RNF4: variants seen among roughly 807,000 people sequenced by gnomAD.
RNF4 encodes the protein ring finger protein 4.
A neutral mutation model predicts 24.3 loss-of-function variants in RNF4; 7 were observed. That is an observed-to-expected ratio of 0.29 (90% confidence interval 0.16 to 0.54). The LOEUF is 0.54. RNF4 is among the 20% of genes least tolerant of loss of function. The pLI is 0.95. For synonymous variants in RNF4, 83 were observed against 84.3 expected, an observed-to-expected ratio of 0.98 and a Z score of 0.09; for missense variants, 209 against 248.5, an observed-to-expected ratio of 0.84 and a Z score of 1.07.
At chr4:2,510,547 G>A (rs1351837762) in intron 4 of RNF4, among the ~76,000 whole-genome samples, 1 of 152,190 alleles carries the variant, frequency 6.6e-6, no homozygotes, top group African/African-American at 2.4e-5. Flanking sequence ...AGCTCAAATC[G>A]GCCTCCATCC....
In RNF4 at chr4:2,488,855, G is replaced by A. The variant is rs149130025; in HGVS notation, c.-157-1482G>A. ...TTTTTTGAGATGGAGTTTTGCTCTC[G>A]TTGTCCAGGGTGGAGTGTAATGGCA... On this transcript the variant is annotated intron_variant, in intron 1 of 7. Coordinates refer to ENST00000314289, the MANE Select transcript of RNF4 (RefSeq NM_002938.5). Among the ~76,000 whole-genome samples the A allele has an allele frequency of 8.1e-3, 1,237 of 151,986 alleles. 19 individuals carry two copies. The highest frequency in any genetic ancestry group is 0.027 in the African/African-American group (1,139 of 41,444).
At chr4:2,483,074 T>C (rs1735291216) in intron 1 of RNF4, among the ~76,000 whole-genome samples, 1 of 152,260 alleles carries the variant, frequency 6.6e-6, no homozygotes. Flanking sequence ...CCAGCCCTTC[T>C]GATATAATAC....
At chr4:2,473,084 T>A (rs1734956790) in intron 1 of RNF4, among the ~76,000 whole-genome samples, 1 of 143,482 alleles carries the variant, frequency 7.0e-6, no homozygotes, top group African/African-American at 2.6e-5. Flanking sequence ...TGGGAGGAGG[T>A]CAAAATATCA....
At chr4:2,475,010 A>G (rs1026009214) in intron 1 of RNF4, among the ~76,000 whole-genome samples, 22 of 152,162 alleles carry the variant, frequency 1.4e-4, no homozygotes, top group Admixed American at 1.4e-3. Context: ...CTGGGCAACA[A>G]GAGTGAAACT....
In RNF4 at chr4:2,512,971, G is replaced by A. The variant is rs1200495213; in HGVS notation, c.375-112G>A. On this transcript the variant is annotated intron_variant, in intron 6 of 7. Transcript: ENST00000314289. This position sits in a 1 kb window ranked among gnomAD's most constrained non-coding sequence, Gnocchi z 4.1. ...TCTCGGATGCCCGCGCTAAGGCAGA[G>A]TCAGGAGGCCAGGGACGGGACTCTT... 2 of 1,058,988 alleles carry A rather than the reference G, an allele frequency of 1.9e-6. No homozygotes were observed. The highest frequency in any genetic ancestry group is 1.3e-5 in the South Asian group (1 of 76,968). The allele number at this position is 1,058,988 out of a possible 1,614,324, so 65.6% of individuals were successfully genotyped here.
intron 3 of RNF4, among the ~76,000 whole-genome samples, chr4:2,497,800 A>C (rs1735782976): frequency 6.6e-6 from 1 of 151,850 alleles, no homozygotes; most frequent in South Asian, 2.1e-4. Flanking sequence ...ACACCCGGCT[A>C]ATTTTTTGTA....
At chr4:2,480,883 A>G (rs933796511) in intron 1 of RNF4, 2 of 152,194 alleles carry the variant, frequency 1.3e-5, no homozygotes, top group African/African-American at 4.8e-5. Flanking sequence ...GGAGTAAAGT[A>G]CAGTTCTGTT....
At chr4:2,511,928 C>T (rs1736279729) in intron 4 of RNF4, 28 bp from the exon 5 acceptor site, 2 of 1,595,344 alleles carry the variant, frequency 1.3e-6, no homozygotes, top group Non-Finnish European at 1.7e-6. Context: ...GCTTCTTTCT[C>T]TTTTGTTTTT....
chr4:2,479,018 G>T (rs1342397479), intron 1 of RNF4, among the ~76,000 whole-genome samples: 3 of 152,242 alleles, frequency 2.0e-5, no homozygotes, highest in African/African-American at 7.2e-5. Context: ...AAGGCCATGG[G>T]AACTCACCTC....
chr4:2,492,429 CCT>C (rs939787889), intron 2 of RNF4, among the ~76,000 whole-genome samples: 5 of 152,170 alleles, frequency 3.3e-5, no homozygotes, highest in Non-Finnish European at 7.3e-5. Flanking sequence ...TGAAGGTCCC[CCT>C]GTCCCAGTTT....
intron 7 of RNF4, 106 bp downstream of exon 7, chr4:2,513,237 C>A: frequency 9.6e-7 from 1 of 1,040,154 alleles, no homozygotes; most frequent in Non-Finnish European, 1.5e-6. Context: ...CACCCCTACT[C>A]ACAGTCATGC....
rs991191614 is a variant in RNF4, at chr4:2,512,093, C to T, written c.214+128C>T. 13 of 838,030 alleles carry T rather than the reference C, an allele frequency of 1.6e-5. No homozygotes were observed. The highest frequency in any genetic ancestry group is 2.5e-5 in the Non-Finnish European group (13 of 524,872). The allele number at this position is 838,030 out of a possible 1,614,324, so 51.9% of individuals were successfully genotyped here. On this transcript the variant is annotated intron_variant, in intron 5 of 7. Coordinates refer to ENST00000314289, the MANE Select transcript of RNF4 (RefSeq NM_002938.5). This position sits in a 1 kb window ranked among gnomAD's most constrained non-coding sequence, Gnocchi z 4.1. ...AGCGCTCCAAGCAGGAAGATGCCTT[C>T]GCAGATGCTGTGGTCAGACCCACAC...
At chr4:2,508,347 G>T (rs914966563) in intron 4 of RNF4, among the ~76,000 whole-genome samples, 3 of 152,140 alleles carry the variant, frequency 2.0e-5, no homozygotes, top group Admixed American at 1.3e-4. Context: ...TTTATGAAGC[G>T]CTGGTACTCT....
chr4:2,512,656 G>A lies in RNF4; in HGVS notation c.374+59G>A. ...GCTAGGATGTGGGGCCAGGGCATGGGAATACTTTTCAGCAAATCTGTGAGC... is the reference window on the plus strand; with the variant it reads ...GCTAGGATGTGGGGCCAGGGCATGGAAATACTTTTCAGCAAATCTGTGAGC... On this transcript the variant is annotated intron_variant, in intron 6 of 7. Coordinates refer to ENST00000314289, the MANE Select transcript of RNF4 (RefSeq NM_002938.5). This position sits in a 1 kb window ranked among gnomAD's most constrained non-coding sequence, Gnocchi z 4.1. The A allele has an allele frequency of 6.3e-7, 1 of 1,583,360 alleles. No individual in the cohort carries two copies. Among genetic ancestry groups the A allele is most frequent in the Middle Eastern group, 1.7e-4 (1 of 5,922 alleles).
intron 2 of RNF4, among the ~76,000 whole-genome samples, chr4:2,494,373 CTTTT>C (rs753327529): frequency 1.0e-5 from 1 of 98,226 alleles, no homozygotes; most frequent in Non-Finnish European, 2.0e-5. Context: ...CAACTTAGAA[CTTTT>C]TTTTTTTTTT....
intron 1 of RNF4, among the ~76,000 whole-genome samples, chr4:2,475,361 TGTA>T (rs1735036981): frequency 6.6e-6 from 1 of 150,436 alleles, no homozygotes; most frequent in Non-Finnish European, 1.5e-5. Flanking sequence ...GTTTTTGAGA[TGTA>T]GTCTCACTCT....
At chr4:2,509,865 G>A (rs979450307) in intron 4 of RNF4, among the ~76,000 whole-genome samples, 3 of 152,098 alleles carry the variant, frequency 2.0e-5, no homozygotes, top group East Asian at 3.9e-4. Flanking sequence ...GGGCATGTTG[G>A]AGCTGTAGAA....
At chr4:2,490,839 A>C in intron 2 of RNF4, 1 of 202,838 alleles carries the variant, frequency 4.9e-6, no homozygotes, top group South Asian at 1.1e-4. Context: ...ATGGTGGCTC[A>C]TGTGTAATCT....
rs1736344330 is a variant in RNF4, at chr4:2,514,064, A to AG, written c.*248dup. ...GTGGTCCAGTTCTAGAGTGGGAGAA[A>AG]GGGAGTCAGGCGCATTGGGAATCGT... On this transcript the variant is annotated 3_prime_UTR_variant, in exon 8 of 8. Coordinates refer to ENST00000314289, the MANE Select transcript of RNF4 (RefSeq NM_002938.5). 4.3e-6 allele frequency: 2 copies of AG among 469,670 alleles called. No individual in the cohort carries two copies. Among genetic ancestry groups the AG allele is most frequent in the Non-Finnish European group, 7.6e-6 (2 of 263,542 alleles). 29.1% of individuals were successfully genotyped at this position (469,670 alleles called of 1,614,324 possible).
Sources: allele counts gnomAD v4.1 joint callset (sites outside exome capture counted in the v4.1 genomes callset), GRCh38; gene constraint gnomAD v4.1.1; non-coding constraint Gnocchi (gnomAD v3.1); transcripts MANE v1.5; gene names NCBI Gene and HGNC (gene_info 2026-07-23, HGNC 2026-07-21).